CPEB1: variants seen among roughly 807,000 people sequenced by gnomAD.
CPEB1 encodes cytoplasmic polyadenylation element binding protein 1.
CPEB1 carries 7 observed loss-of-function variants against 65.8 expected under a neutral mutation model. The ratio of observed to expected loss-of-function variants is 0.11; its 90% CI spans 0.06 to 0.20. The LOEUF is 0.20. Among genes scored for constraint, CPEB1 ranks in the 10% least tolerant of loss-of-function variants. The pLI, the probability that CPEB1 is intolerant of heterozygous loss-of-function variation, is 1.00. For synonymous variants in CPEB1, 262 were observed against 260.0 expected (o/e 1.01, Z -0.08); for missense variants, 551 against 712.2 (o/e 0.77, Z 2.58).
At chr15:82,577,049 G>A (rs1179843580) in intron 3 of CPEB1, among the ~76,000 whole-genome samples, 1 of 152,136 alleles carries the variant, frequency 6.6e-6, no homozygotes. Context: ...CATTAAATGA[G>A]GCATTATAGT....
At chr15:82,630,048 A>G (rs2046111011) in intron 1 of CPEB1, 1 of 985,396 alleles carries the variant, frequency 1.0e-6, no homozygotes, top group Non-Finnish European at 1.2e-6. Flanking sequence ...ACAACTGTAG[A>G]TTTCTAAGCT....
chr15:82,590,505 A>T (rs1194945226), intron 3 of CPEB1, among the ~76,000 whole-genome samples: 1 of 151,836 alleles, frequency 6.6e-6, no homozygotes, highest in East Asian at 1.9e-4. Context: ...TTCAGCAGTC[A>T]CTCTCTGGGG....
At chr15:82,567,360 C>T (rs2039305445) in intron 4 of CPEB1, among the ~76,000 whole-genome samples, 1 of 151,772 alleles carries the variant, frequency 6.6e-6, no homozygotes, top group African/African-American at 2.4e-5. Flanking sequence ...GAGTGTGGGC[C>T]AGGCACGGTG....
At chr15:82,631,239 T>C (rs529991963) in intron 1 of CPEB1, among the ~76,000 whole-genome samples, 37 of 152,238 alleles carry the variant, frequency 2.4e-4, no homozygotes, top group Middle Eastern at 6.8e-3. Context: ...GTTAGGAACA[T>C]ACACACCTTC....
intron 3 of CPEB1, among the ~76,000 whole-genome samples, chr15:82,579,104 T>C (rs934204803): frequency 7.9e-5 from 12 of 152,178 alleles, no homozygotes; most frequent in Non-Finnish European, 1.8e-4. Flanking sequence ...ATCACAGGCA[T>C]GAACCACCAT....
intron 3 of CPEB1, among the ~76,000 whole-genome samples, chr15:82,584,135 T>C (rs985619541): frequency 1.3e-5 from 2 of 151,670 alleles, no homozygotes; most frequent in Non-Finnish European, 2.9e-5. Context: ...GGTGGGCGCC[T>C]GCAGTCCCAG....
intron 4 of CPEB1, among the ~76,000 whole-genome samples, chr15:82,565,014 C>A (rs904805887): frequency 1.3e-5 from 2 of 152,158 alleles, no homozygotes; most frequent in Admixed American, 1.3e-4. Flanking sequence ...AGAATTAACA[C>A]GTGGGATGTC....
chr15:82,548,597 A>G, intron 10 of CPEB1: 1 of 377,416 alleles, frequency 2.6e-6, no homozygotes, highest in Non-Finnish European at 5.4e-6. Flanking sequence ...GGAAGCCAAG[A>G]TGCAGATAGA....
chr15:82,642,112 C>G (rs1272000088), intron 1 of CPEB1, among the ~76,000 whole-genome samples: 1 of 152,184 alleles, frequency 6.6e-6, no homozygotes, highest in Non-Finnish European at 1.5e-5. Flanking sequence ...TGGGGCAGGT[C>G]CTATCTTCAA....
intron 3 of CPEB1, chr15:82,573,030 G>T: frequency 6.5e-7 from 1 of 1,534,048 alleles, no homozygotes; most frequent in Non-Finnish European, 8.7e-7. Context: ...TCAGCTGGTA[G>T]CACTCCACCT....
chr15:82,618,421 A>G (rs1435915102), intron 3 of CPEB1, among the ~76,000 whole-genome samples: 2 of 152,246 alleles, frequency 1.3e-5, no homozygotes, highest in Non-Finnish European at 2.9e-5. Context: ...CAGAATATGT[A>G]TATTCTTCAA....
chr15:82,614,344 G>T (rs7175942), intron 3 of CPEB1, among the ~76,000 whole-genome samples: 8 of 152,140 alleles, frequency 5.3e-5, no homozygotes, highest in Non-Finnish European at 8.8e-5. Flanking sequence ...GGTTATGTGG[G>T]TGTCTGCTGT....
intron 1 of CPEB1, among the ~76,000 whole-genome samples, chr15:82,642,944 C>G (rs2047223081): frequency 6.6e-6 from 1 of 152,192 alleles, no homozygotes; most frequent in South Asian, 2.1e-4. Context: ...AGTACTAATA[C>G]TCTAATTTTC....
chr15:82,640,763 T>C (rs1488583033), intron 1 of CPEB1: 1 of 152,090 alleles, frequency 6.6e-6, no homozygotes, highest in Non-Finnish European at 1.5e-5. Context: ...AGTCAACTGG[T>C]GCTTCTATAG....
chr15:82,548,650 T>TC (rs1162746333), intron 10 of CPEB1: 5 of 451,932 alleles, frequency 1.1e-5, no homozygotes, highest in Non-Finnish European at 8.9e-6. Context: ...ACTGAACCTC[T>TC]CCTAGCCCTT....
intron 3 of CPEB1, among the ~76,000 whole-genome samples, chr15:82,593,201 T>C (rs1309274492): frequency 6.6e-6 from 1 of 152,206 alleles, no homozygotes. Context: ...AAGATTTCTC[T>C]GTATCATGTG....
chr15:82,634,200 A>G (rs997137352), intron 1 of CPEB1, among the ~76,000 whole-genome samples: 2 of 143,696 alleles, frequency 1.4e-5, no homozygotes, highest in African/African-American at 5.3e-5. Flanking sequence ...TTTTTTTTCC[A>G]TCTATGGTTC....
intron 12 of CPEB1, 107 bp from the exon 13 acceptor site, chr15:82,544,809 G>A (rs888581815): frequency 2.2e-5 from 18 of 800,246 alleles, no homozygotes; most frequent in South Asian, 9.0e-5. Context: ...GGAGACTCCC[G>A]ATGGCCTCTG....
At chr15:82,605,933 G>C (rs976619698) in intron 3 of CPEB1, among the ~76,000 whole-genome samples, 1 of 152,134 alleles carries the variant, frequency 6.6e-6, no homozygotes, top group African/African-American at 2.4e-5. Context: ...CGTTACCCGG[G>C]AGGCTGGGAG....
Sources: allele counts gnomAD v4.1 joint callset (sites outside exome capture counted in the v4.1 genomes callset), GRCh38; gene constraint gnomAD v4.1.1; transcripts MANE v1.5; gene names NCBI Gene and HGNC (gene_info 2026-07-23, HGNC 2026-07-21).